POR: variants seen among roughly 807,000 people sequenced by gnomAD.
POR encodes the protein NADPH--cytochrome P450 reductase.
In POR, 56 loss-of-function variants were observed where a neutral mutation model predicts 84.0. That is an observed-to-expected ratio of 0.67 (90% confidence interval 0.54 to 0.83). The LOEUF (loss-of-function observed/expected upper bound fraction) is 0.83. Ranked by LOEUF, POR falls within the 40% of genes least tolerant of loss-of-function variation. The probability of loss-of-function intolerance (pLI) is 0.00; values close to 1 mark genes in which losing one functional copy is unlikely to be tolerated. For missense variants in POR, 938 were observed against 944.3 expected, an observed-to-expected ratio of 0.99 and a Z score of 0.09; for synonymous variants, 414 against 400.5, an observed-to-expected ratio of 1.03 and a Z score of -0.40.
At chr7:75,961,866 T>C (rs1554554570) in intron 2 of POR, among the ~76,000 whole-genome samples, 1 of 152,000 alleles carries the variant, frequency 6.6e-6, no homozygotes, top group East Asian at 1.9e-4. Context: ...ACACAAACAT[T>C]AGTCAAGTGT....
chr7:75,986,098 G>A (rs1287497367), intron 14 of POR, 30 bp downstream of exon 14: 10 of 1,574,330 alleles, frequency 6.4e-6, no homozygotes, highest in East Asian at 2.4e-5. Flanking sequence ...ACGAAGGTGG[G>A]CATGAGGCTG....
intron 1 of POR, among the ~76,000 whole-genome samples, chr7:75,950,648 C>T (rs1787372298): frequency 1.3e-5 from 2 of 152,134 alleles, no homozygotes; most frequent in East Asian, 1.9e-4. Flanking sequence ...ACAGGTGGCT[C>T]ATAAGCTTGA....
rs35274225 is a variant in POR, at chr7:75,973,674, C to CTTTTTTTTTT, written c.237+1229_237+1238dup. On this transcript the variant is annotated intron_variant, in intron 3 of 15. Transcript: ENST00000461988. The stretch of plus-strand genomic sequence containing the variant: ...ACTATGTGCACTGTTCCAGACCTTG[C>CTTTTTTTTTT]TTTTTTTTTTTTTTTTTTTTTTTTT... 9.2e-5 allele frequency among the ~76,000 whole-genome samples: 6 copies of CTTTTTTTTTT among 64,932 alleles called. 1 individual carries two copies. Among genetic ancestry groups the CTTTTTTTTTT allele is most frequent in the African/African-American group, 2.7e-4 (4 of 14,990 alleles). The allele number at this position is 64,932 out of a possible 152,430, so 42.6% of individuals were successfully genotyped here. A position where few individuals can be genotyped will look rare whatever the true frequency, so the allele number is the denominator to read the frequency against.
At chr7:75,951,616 TCAGC>T in intron 1 of POR, among the ~76,000 whole-genome samples, 1 of 152,294 alleles carries the variant, frequency 6.6e-6, no homozygotes, top group Non-Finnish European at 1.5e-5. Context: ...GTGACAGCCA[TCAGC>T]AGTCAGCTAG....
intron 2 of POR, among the ~76,000 whole-genome samples, chr7:75,956,990 T>C (rs1172781148): frequency 6.6e-6 from 1 of 152,220 alleles, no homozygotes; most frequent in Admixed American, 6.5e-5. Flanking sequence ...CCTCCCATAG[T>C]GCTGGGATTA....
chr7:75,982,377 C>T, intron 8 of POR, 55 bp downstream of exon 8: 5 of 1,408,868 alleles, frequency 3.5e-6, no homozygotes, highest in Non-Finnish European at 4.9e-6. Flanking sequence ...CTGGTGCACC[C>T]CAGGCTCAGT....
intron 1 of POR, among the ~76,000 whole-genome samples, chr7:75,918,435 T>C (rs1004559426): frequency 1.3e-5 from 2 of 152,188 alleles, no homozygotes; most frequent in Middle Eastern, 3.2e-3. Flanking sequence ...CCTGCTTGCA[T>C]AGGCCGCTGA....
Position 75,985,812 on chromosome 7 carries a change from A to G in POR, c.1632A>G (p.Ile544Met), listed in dbSNP as rs372404067. The G allele has an allele frequency of 1.9e-6, 3 of 1,561,244 alleles. No homozygotes were observed. The highest frequency in any genetic ancestry group is 2.6e-6 in the Non-Finnish European group (3 of 1,152,062). Residue 544 changes from isoleucine (I) to methionine (M), a missense_variant, in exon 13 of 16, where the codon ATA becomes ATG. By Grantham distance (10) the Ile-to-Met change is conservative. Coordinates refer to ENST00000461988, the MANE Select transcript of POR (RefSeq NM_000941.3). The stretch of plus-strand genomic sequence containing the variant: ...CCGGCACCGGGGTGGCACCCTTCAT[A>G]GGCTTCATCCAGGAGCGGGCCTGGC...
intron 8 of POR, among the ~76,000 whole-genome samples, chr7:75,982,624 G>T (rs1207234622): frequency 6.6e-6 from 1 of 152,176 alleles, no homozygotes; most frequent in Non-Finnish European, 1.5e-5. Flanking sequence ...TGGCAGAAGG[G>T]CTCATTTTCT....
chr7:75,980,673 G>T, intron 5 of POR, 185 bp downstream of exon 5: 1 of 1,536,462 alleles, frequency 6.5e-7, no homozygotes, highest in Non-Finnish European at 8.7e-7. Context: ...TCCCCTCCCT[G>T]TCCCCAGCCC....
At chr7:75,947,451 C>T (rs1304769002) in intron 1 of POR, among the ~76,000 whole-genome samples, 5 of 152,030 alleles carry the variant, frequency 3.3e-5, no homozygotes, top group South Asian at 2.1e-4. Flanking sequence ...CGCAGCACCA[C>T]GCCCAGCTAA....
In POR at chr7:75,981,162, G is replaced by C; in HGVS notation, c.631G>C (p.Asp211His). The change falls in exon 6 of 16, where the codon GAC becomes CAC. Residue 211 changes from aspartate to histidine, a missense_variant. Asp to His is a moderately conservative substitution (Grantham distance 81). Transcript: ENST00000461988. ...CATCTTTGAGCTGGGGTTGGGCGAC[G>C]ACGATGGGAAGTGAGTGCCCACCCT... The C allele has an allele frequency of 6.5e-7, 1 of 1,544,604 alleles. No individual in the cohort carries two copies. Among genetic ancestry groups the C allele is most frequent in the Non-Finnish European group, 8.7e-7 (1 of 1,144,132 alleles).
chr7:75,917,276 C>G (rs372423433), intron 1 of POR, among the ~76,000 whole-genome samples: 39 of 152,100 alleles, frequency 2.6e-4, no homozygotes, highest in African/African-American at 9.2e-4. Flanking sequence ...CCATGTTGCC[C>G]AGGCTGGTCT....
At chr7:75,964,679 A>C (rs1258260363) in intron 2 of POR, among the ~76,000 whole-genome samples, 1 of 152,172 alleles carries the variant, frequency 6.6e-6, no homozygotes, top group African/African-American at 2.4e-5. Flanking sequence ...TAAAAATTTT[A>C]TACATATATT....
chr7:75,966,358 C>T (rs1380417731), intron 2 of POR, among the ~76,000 whole-genome samples: 1 of 152,198 alleles, frequency 6.6e-6, no homozygotes, highest in Non-Finnish European at 1.5e-5. Context: ...TCTGTTTTCA[C>T]CAAAGACTGG....
At chr7:75,923,213 C>A (rs1806960159) in intron 1 of POR, 1 of 1,114,184 alleles carries the variant, frequency 9.0e-7, no homozygotes, top group Non-Finnish European at 1.3e-6. Flanking sequence ...CCTCTGACAA[C>A]ACAGTGATTG....
At chr7:75,973,043 G>A (rs1554556413) in intron 3 of POR, among the ~76,000 whole-genome samples, 3 of 151,996 alleles carry the variant, frequency 2.0e-5, no homozygotes. Context: ...GACTGGTCTT[G>A]AACTCCTGAC....
At chr7:75,984,755 C>T in intron 10 of POR, 22 bp from the exon 11 acceptor site, 1 of 1,610,708 alleles carries the variant, frequency 6.2e-7, no homozygotes, top group East Asian at 2.2e-5. Context: ...TACCCCAAGT[C>T]CTGCCTGTCT....
chr7:75,965,348 T>C (rs534365637), intron 2 of POR, among the ~76,000 whole-genome samples: 1 of 152,250 alleles, frequency 6.6e-6, no homozygotes, highest in South Asian at 2.1e-4. Context: ...GATGTTCTTA[T>C]CTCCATTTTA....
Sources: allele counts gnomAD v4.1 joint callset (sites outside exome capture counted in the v4.1 genomes callset), GRCh38; gene constraint gnomAD v4.1.1; transcripts MANE v1.5; gene names NCBI Gene and HGNC (gene_info 2026-07-23, HGNC 2026-07-21).